NR1H4: variants seen among roughly 807,000 people sequenced by gnomAD.
The protein encoded by NR1H4 is bile acid receptor.
A neutral mutation model predicts 58.5 loss-of-function variants in NR1H4; 23 were observed. The observed-to-expected ratio is 0.39, with a 90% CI of 0.28 to 0.56. The LOEUF is 0.56. Ranked by LOEUF, NR1H4 falls within the 20% of genes least tolerant of loss-of-function variation. NR1H4 has a pLI of 0.58. For synonymous variants in NR1H4, 214 were observed against 198.0 expected, an observed-to-expected ratio of 1.08 and a Z score of -0.68; for missense variants, 487 against 576.9, an observed-to-expected ratio of 0.84 and a Z score of 1.60.
intron 4 of NR1H4, among the ~76,000 whole-genome samples, chr12:100,524,305 T>C (rs187621709): frequency 6.6e-6 from 1 of 152,182 alleles, no homozygotes; most frequent in African/African-American, 2.4e-5. Context: ...ACGAATTCAC[T>C]TGGGCTCAGG....
intron 3 of NR1H4, among the ~76,000 whole-genome samples, chr12:100,508,875 G>A (rs1328209666): frequency 6.6e-6 from 1 of 152,140 alleles, no homozygotes; most frequent in East Asian, 1.9e-4. Flanking sequence ...CTGAATGAAT[G>A]TGAAACTATT....
At chr12:100,503,515 G>C (rs1359332083) in intron 3 of NR1H4, 1 of 1,568,400 alleles carries the variant, frequency 6.4e-7, no homozygotes, top group South Asian at 1.2e-5. Context: ...CTGTTCACAG[G>C]TGCTTTCAGG....
At chr12:100,495,580 A>T (rs1295161760) in intron 3 of NR1H4, among the ~76,000 whole-genome samples, 1 of 151,850 alleles carries the variant, frequency 6.6e-6, no homozygotes, top group Non-Finnish European at 1.5e-5. Context: ...AAAATACAAA[A>T]ATTAGCTTGG....
At chr12:100,474,989 AGG>A (rs1953235464) in intron 1 of NR1H4, among the ~76,000 whole-genome samples, 2 of 152,164 alleles carry the variant, frequency 1.3e-5, no homozygotes, top group Non-Finnish European at 2.9e-5. Context: ...AAACTTTTGG[AGG>A]TGATGGATAG....
intron 2 of NR1H4, among the ~76,000 whole-genome samples, 172 bp from the exon 3 acceptor site, chr12:100,493,098 G>A (rs1421308112): frequency 6.6e-6 from 1 of 151,854 alleles, no homozygotes; most frequent in Non-Finnish European, 1.5e-5. Flanking sequence ...GTCCAAATGA[G>A]GTATAAAAAT....
intron 3 of NR1H4, among the ~76,000 whole-genome samples, chr12:100,510,319 C>T (rs569823066): frequency 1.8e-4 from 27 of 151,936 alleles, no homozygotes; most frequent in Non-Finnish European, 3.2e-4. Context: ...TATTTGTTTC[C>T]CCAACAGTGT....
In NR1H4 at chr12:100,562,931, A is replaced by G. The variant is rs1406796595; in HGVS notation, c.1193-320A>G. Among the ~76,000 whole-genome samples the G allele has an allele frequency of 2.6e-5, 4 of 152,336 alleles. No individual in the cohort carries two copies. The East Asian group carries it at 7.7e-4, about 29-fold the overall frequency. On this transcript the variant is annotated intron_variant, in intron 10 of 10. Transcript: ENST00000392986. ...GAACCTTCTAAAGTTATGTATGGAT[A>G]TGTCCTATGACCCAGTGATTTCACT...
chr12:100,561,620 A>T lies in NR1H4; in HGVS notation c.1079-265A>T, dbSNP rs114416148. On this transcript the variant is annotated intron_variant, in intron 9 of 10. Coordinates refer to ENST00000392986, the MANE Select transcript of NR1H4 (RefSeq NM_001206979.2). Reference sequence around the variant, plus strand: ...CAATTCAAGAGCATTATCATTGATTATTAGTAGTGACTGAAACAAAGACAC... The same window carrying T: ...CAATTCAAGAGCATTATCATTGATTTTTAGTAGTGACTGAAACAAAGACAC... Among the ~76,000 whole-genome samples, 1,017 of 152,334 alleles carry T rather than the reference A, an allele frequency of 6.7e-3. 18 individuals are homozygous for T. Among genetic ancestry groups the T allele is most frequent in the African/African-American group, 0.023 (945 of 41,570 alleles).
Position 100,559,261 on chromosome 12 carries a change from C to T in NR1H4, c.1079-2624C>T, listed in dbSNP as rs1042839111. Among the ~76,000 whole-genome samples the T allele has an allele frequency of 1.5e-4, 23 of 152,340 alleles. 1 individual carries two copies. The highest frequency in any genetic ancestry group is 5.5e-4 in the African/African-American group (23 of 41,588). ...CGCTTGCTCTCGGCACCTCCTCTGC[C>T]TGGGCTCCCACTTTGGCAGCACTTG... On this transcript the variant is annotated intron_variant, in intron 9 of 10. Transcript: ENST00000392986.
chr12:100,510,248 G>T (rs1264178468), intron 3 of NR1H4, among the ~76,000 whole-genome samples: 1 of 152,082 alleles, frequency 6.6e-6, no homozygotes, highest in Non-Finnish European at 1.5e-5. Context: ...AATTTATGCT[G>T]GGTGAAAAGG....
intron 3 of NR1H4, among the ~76,000 whole-genome samples, chr12:100,501,453 A>C (rs1472381614): frequency 6.6e-6 from 1 of 152,114 alleles, no homozygotes; most frequent in East Asian, 1.9e-4. Context: ...AGTGTACCTT[A>C]GTTTTTCCAC....
chr12:100,513,991 C>A (rs1954199589), intron 4 of NR1H4, among the ~76,000 whole-genome samples: 1 of 152,198 alleles, frequency 6.6e-6, no homozygotes, highest in Non-Finnish European at 1.5e-5. Flanking sequence ...AAAGAACAAA[C>A]TTTATAGTAG....
rs568680178 is a variant in NR1H4 at position 100,531,235 on chromosome 12, C to G, written c.446-1223C>G. On this transcript the variant is annotated intron_variant, in intron 4 of 10. Transcript: ENST00000392986. ...CTTTGGGAGGCTGAGGCGGGCAGAT[C>G]ACTTAAGGTCAGGAGTTTGAGACCA... Among the ~76,000 whole-genome samples the G allele has an allele frequency of 7.2e-5, 11 of 152,300 alleles. No individual in the cohort carries two copies. The East Asian group carries it at 2.1e-3, about 29-fold the overall frequency.
At chr12:100,493,819 G>T (rs1953654871) in intron 3 of NR1H4, among the ~76,000 whole-genome samples, 1 of 152,144 alleles carries the variant, frequency 6.6e-6, no homozygotes, top group African/African-American at 2.4e-5. Context: ...TCCTTTTGCA[G>T]TTCCTCCGGT....
At chr12:100,492,942 G>GT (rs574150191) in intron 2 of NR1H4, among the ~76,000 whole-genome samples, 25 of 149,762 alleles carry the variant, frequency 1.7e-4, no homozygotes, top group East Asian at 5.9e-4. Context: ...TTTTATATTT[G>GT]TTTTTTTTTC....
chr12:100,563,396 A>T lies in NR1H4; in HGVS notation c.1338A>T (p.Thr446=), dbSNP rs1226281457. 6.2e-7 allele frequency: 1 copy of T among 1,614,026 alleles called. No individual in the cohort carries two copies. Among genetic ancestry groups the T allele is most frequent in the Non-Finnish European group, 8.5e-7 (1 of 1,180,040 alleles). Residue 446 remains threonine (T), a synonymous_variant, in exon 11 of 11, where the codon ACA becomes ACT. Coordinates refer to ENST00000392986, the MANE Select transcript of NR1H4 (RefSeq NM_001206979.2). ...CLLGRLTELR[T]FNHHHAEMLM... ...TGGGTCGCCTGACTGAATTACGGAC[A>T]TTCAATCATCACCACGCTGAGATGC...
At chr12:100,553,487 A>T (rs2136298508) in intron 9 of NR1H4, among the ~76,000 whole-genome samples, 1 of 152,322 alleles carries the variant, frequency 6.6e-6, no homozygotes, top group Middle Eastern at 3.4e-3. Flanking sequence ...GGGGTGCCTT[A>T]GTCTAACAGG....
chr12:100,503,438 C>A (rs17030240), intron 3 of NR1H4: 1 of 1,597,806 alleles, frequency 6.3e-7, no homozygotes, highest in Admixed American at 1.7e-5. Flanking sequence ...TTAGTCCTCA[C>A]TGCAGCTGTA....
At chr12:100,493,460 T>A in intron 3 of NR1H4, 58 bp downstream of exon 3, 1 of 861,170 alleles carries the variant, frequency 1.2e-6, no homozygotes, top group Non-Finnish European at 1.9e-6. Flanking sequence ...TGGAAATACA[T>A]GAGGAAATGC....
Sources: allele counts gnomAD v4.1 joint callset (sites outside exome capture counted in the v4.1 genomes callset), GRCh38; gene constraint gnomAD v4.1.1; transcripts MANE v1.5; gene names NCBI Gene and HGNC (gene_info 2026-07-23, HGNC 2026-07-21).